Variants in UBA6 observed in about 807,000 individuals in gnomAD.
UBA6 encodes the protein ubiquitin like modifier activating enzyme 6.
Under a neutral mutation model 148.3 loss-of-function variants are expected in UBA6, and 87 were observed. The ratio of observed to expected loss-of-function variants is 0.59; its 90% CI spans 0.49 to 0.70. UBA6 has a LOEUF of 0.70. Among genes scored for constraint, UBA6 ranks in the 30% least tolerant of loss-of-function variants. The pLI, the probability that UBA6 is intolerant of heterozygous loss-of-function variation, is 0.00. For synonymous variants in UBA6, 376 were observed against 401.0 expected (o/e 0.94, Z 0.75); for missense variants, 1,186 against 1,241.2 (o/e 0.96, Z 0.67).
chr4:67,628,114 G>C (rs1728912809), intron 27 of UBA6, among the ~76,000 whole-genome samples: 1 of 151,614 alleles, frequency 6.6e-6, no homozygotes, highest in Non-Finnish European at 1.5e-5. Flanking sequence ...TTAACATTAA[G>C]TGGATCTTCA....
chr4:67,627,623 A>G (rs1728898144), intron 27 of UBA6, among the ~76,000 whole-genome samples: 1 of 151,572 alleles, frequency 6.6e-6, no homozygotes, highest in East Asian at 1.9e-4. Flanking sequence ...TATTCTTTAT[A>G]GGCTATAAGT....
At chr4:67,628,103 AT>A (rs1360650007) in intron 27 of UBA6, among the ~76,000 whole-genome samples, 1 of 151,752 alleles carries the variant, frequency 6.6e-6, no homozygotes, top group Non-Finnish European at 1.5e-5. Flanking sequence ...CATTAAGCAG[AT>A]TAACATTAAG....
intron 2 of UBA6, among the ~76,000 whole-genome samples, chr4:67,693,942 C>T (rs889310276): frequency 2.6e-5 from 4 of 151,876 alleles, no homozygotes; most frequent in African/African-American, 9.7e-5. Context: ...CAGCTGGGCA[C>T]GGTGGCTCGC....
chr4:67,640,932 C>T (rs1275031572), intron 18 of UBA6, among the ~76,000 whole-genome samples: 1 of 152,082 alleles, frequency 6.6e-6, no homozygotes, highest in Admixed American at 6.5e-5. Context: ...AAAAATACTG[C>T]CTGTTTCACA....
intron 2 of UBA6, among the ~76,000 whole-genome samples, chr4:67,695,605 C>A (rs1291005977): frequency 1.3e-5 from 2 of 152,128 alleles, no homozygotes; most frequent in East Asian, 3.8e-4. Context: ...AATCCAAATA[C>A]CTAAAACAGT....
chr4:67,616,737 A>T lies in UBA6; in HGVS notation c.*2260T>A, dbSNP rs1560473561. ...AATCAGGAAACACCAAAGCAACATT[A>T]CTCACAAAATAAACAGCAAAATCAG... On this transcript the variant is annotated 3_prime_UTR_variant, in exon 33 of 33. Coordinates refer to ENST00000322244, the MANE Select transcript of UBA6 (RefSeq NM_018227.6). The T allele has an allele frequency of 6.6e-6, 1 of 152,194 alleles. No individual in the cohort carries two copies. The highest frequency in any genetic ancestry group is 1.9e-4 in the East Asian group (1 of 5,204). 9.4% of individuals were successfully genotyped at this position (152,194 alleles called of 1,614,324 possible).
At chr4:67,674,798 T>C (rs1449618301) in intron 6 of UBA6, among the ~76,000 whole-genome samples, 2 of 152,242 alleles carry the variant, frequency 1.3e-5, no homozygotes, top group Non-Finnish European at 2.9e-5. Flanking sequence ...TCCAATTTCA[T>C]AAATTGGACC....
intron 22 of UBA6, 86 bp from the exon 23 acceptor site, chr4:67,633,559 A>G: frequency 8.2e-7 from 1 of 1,217,220 alleles, no homozygotes; most frequent in South Asian, 1.9e-5. Context: ...CTAAGTTTGA[A>G]GTGTCAACTC....
At chr4:67,661,847 C>A in intron 13 of UBA6, 1 of 314,440 alleles carries the variant, frequency 3.2e-6, no homozygotes, top group Non-Finnish European at 5.6e-6. Flanking sequence ...TATAAGAAAG[C>A]TAACATATAT....
intron 12 of UBA6, 170 bp from the exon 13 acceptor site, chr4:67,662,425 C>T: frequency 1.9e-6 from 1 of 521,012 alleles, no homozygotes; most frequent in Non-Finnish European, 3.4e-6. Flanking sequence ...AAATACATTA[C>T]TTCAAAATCA....
At chr4:67,678,555 T>C in intron 4 of UBA6, 22 bp from the exon 5 acceptor site, 14 of 1,482,384 alleles carry the variant, frequency 9.4e-6, no homozygotes, top group Non-Finnish European at 1.3e-5. Flanking sequence ...AAAAAAGTAT[T>C]GGTTGAAGTC....
chr4:67,668,542 T>C lies in UBA6; in HGVS notation c.793+9A>G. On this transcript the variant is annotated intron_variant, in intron 9 of 32. Transcript: ENST00000322244. ...AGTATAAATGAATTAATAAAACACA[T>C]TGACTTACCCGTTATTTGTTGTATA... 1.9e-6 allele frequency: 3 copies of C among 1,606,098 alleles called. No homozygotes were observed. Among genetic ancestry groups the C allele is most frequent in the African/African-American group, 1.3e-5 (1 of 74,672 alleles).
intron 4 of UBA6, among the ~76,000 whole-genome samples, chr4:67,680,393 C>T (rs1208993892): frequency 6.6e-6 from 1 of 152,138 alleles, no homozygotes; most frequent in Non-Finnish European, 1.5e-5. Context: ...GATTCTCTGG[C>T]TATAACTACC....
intron 30 of UBA6, among the ~76,000 whole-genome samples, chr4:67,623,672 T>C (rs557591001): frequency 5.9e-5 from 9 of 152,278 alleles, no homozygotes; most frequent in South Asian, 2.1e-4. Context: ...CTGTGGATTA[T>C]AGTATTTTGT....
chr4:67,645,817 T>C (rs980453974), intron 16 of UBA6, 121 bp downstream of exon 16: 17 of 446,972 alleles, frequency 3.8e-5, no homozygotes, highest in Non-Finnish European at 5.8e-5. Flanking sequence ...GGCTGCAAGG[T>C]CTCAGTTATT....
At chr4:67,650,697 G>A (rs139845207) in intron 13 of UBA6, among the ~76,000 whole-genome samples, 3 of 152,208 alleles carry the variant, frequency 2.0e-5, no homozygotes, top group African/African-American at 7.2e-5. Context: ...CAGAAAATAC[G>A]AAGAGATCAC....
Position 67,654,909 on chromosome 4 carries a change from C to G in UBA6, c.1105-5698G>C, listed in dbSNP as rs200042571. 4.1e-5 allele frequency among the ~76,000 whole-genome samples: 6 copies of G among 145,508 alleles called. No homozygotes were observed. The East Asian group carries it at 1.2e-3, about 29-fold the overall frequency. On this transcript the variant is annotated intron_variant, in intron 13 of 32. Coordinates refer to ENST00000322244, the MANE Select transcript of UBA6 (RefSeq NM_018227.6). The stretch of plus-strand genomic sequence containing the variant: ...GTTGCAATCCTAGTCTCTGATAAAA[C>G]AGACTTTAAACCAACAAAGATCAAA...
At chr4:67,667,108 C>G (rs1217489137) in intron 9 of UBA6, among the ~76,000 whole-genome samples, 1 of 152,170 alleles carries the variant, frequency 6.6e-6, no homozygotes, top group Non-Finnish European at 1.5e-5. Flanking sequence ...CCTCTTTATA[C>G]AAGCAGCCTC....
At chr4:67,693,203 A>T (rs1310867206) in intron 2 of UBA6, among the ~76,000 whole-genome samples, 1 of 152,122 alleles carries the variant, frequency 6.6e-6, no homozygotes, top group Non-Finnish European at 1.5e-5. Flanking sequence ...CTCAACATGA[A>T]GACAACAAAG....
Sources: allele counts gnomAD v4.1 joint callset (sites outside exome capture counted in the v4.1 genomes callset), GRCh38; gene constraint gnomAD v4.1.1; transcripts MANE v1.5; gene names NCBI Gene and HGNC (gene_info 2026-07-23, HGNC 2026-07-21).